The following YAE1 variants were observed in gnomAD, a reference collection of about 807,000 sequenced individuals.
YAE1 encodes the protein YAE1 maturation factor of ABCE1.
Under a neutral mutation model 23.0 loss-of-function variants are expected in YAE1, and 22 were observed. The observed-to-expected ratio is 0.96, with a 90% CI of 0.68 to 1.37. YAE1 has a LOEUF of 1.37. YAE1 is among the 40% of genes most tolerant of loss of function. The pLI, the probability that YAE1 is intolerant of heterozygous loss-of-function variation, is 0.00. For synonymous variants in YAE1, 101 were observed against 97.0 expected (o/e 1.04, Z -0.24); for missense variants, 260 against 262.1 (o/e 0.99, Z 0.06).
chr7:39,611,540 A>G (rs957313555), downstream of YAE1, among the ~76,000 whole-genome samples: 2 of 152,164 alleles, frequency 1.3e-5, no homozygotes, highest in Non-Finnish European at 2.9e-5. Flanking sequence ...CAAAATTTGA[A>G]TCCTTTGGTC....
At chr7:39,578,683 G>A (rs950693712) in intron 2 of YAE1, among the ~76,000 whole-genome samples, 1 of 152,032 alleles carries the variant, frequency 6.6e-6, no homozygotes, top group South Asian at 2.1e-4. Flanking sequence ...AAGAAACTCC[G>A]AACACGTCTG....
At chr7:39,607,202 T>G (rs188105563) in intron 2 of YAE1, among the ~76,000 whole-genome samples, 102 of 152,340 alleles carry the variant, frequency 6.7e-4, no homozygotes, top group African/African-American at 2.2e-3. Flanking sequence ...TTCACTGTGG[T>G]CGATAGAATA....
intron 2 of YAE1, among the ~76,000 whole-genome samples, chr7:39,607,805 A>T (rs186404041): frequency 1.4e-3 from 215 of 152,264 alleles, no homozygotes; most frequent in Middle Eastern, 6.8e-3. Context: ...AGTAGCTGGG[A>T]CTACAGGCGT....
At chr7:39,589,047 C>T (rs945550622) in intron 2 of YAE1, among the ~76,000 whole-genome samples, 1 of 152,096 alleles carries the variant, frequency 6.6e-6, no homozygotes, top group Admixed American at 6.5e-5. Context: ...GTCTCGAACT[C>T]GTGGCCTCAA....
At chr7:39,577,014 CCTCCTAAGTAGCTGGGATTA>C (rs1364593045), downstream of YAE1, among the ~76,000 whole-genome samples, 1 of 152,124 alleles carries the variant, frequency 6.6e-6, no homozygotes, top group East Asian at 1.9e-4. Flanking sequence ...CCTGCTTCAG[CCTCCTAAGTAGCTGGGATTA>C]CAGGGGCCTG....
intron 2 of YAE1, among the ~76,000 whole-genome samples, chr7:39,605,243 G>T (rs1304918310): frequency 6.6e-6 from 1 of 152,164 alleles, no homozygotes; most frequent in Non-Finnish European, 1.5e-5. Context: ...GTAGGTTGTG[G>T]TTAACCTATG....
downstream of YAE1, among the ~76,000 whole-genome samples, chr7:39,611,904 A>G (rs1039536038): frequency 6.6e-6 from 1 of 152,224 alleles, no homozygotes; most frequent in Non-Finnish European, 1.5e-5. Flanking sequence ...AAATAAGGTA[A>G]TAGTCAAAGA....
At chr7:39,599,107 G>T (rs1034740277) in intron 2 of YAE1, among the ~76,000 whole-genome samples, 8 of 151,944 alleles carry the variant, frequency 5.3e-5, no homozygotes, top group Non-Finnish European at 7.4e-5. Flanking sequence ...AGGCGAGGTG[G>T]TGCATGGCTA....
chr7:39,605,290 AG>A (rs1791113056), intron 2 of YAE1, among the ~76,000 whole-genome samples: 1 of 152,178 alleles, frequency 6.6e-6, no homozygotes, highest in Non-Finnish European at 1.5e-5. Flanking sequence ...ATCTTGGCTG[AG>A]CCATAAAGTG....
downstream of YAE1, among the ~76,000 whole-genome samples, chr7:39,576,659 G>A (rs181550297): frequency 3.2e-3 from 493 of 152,218 alleles, 4 homozygotes; most frequent in African/African-American, 0.012. Context: ...AGAGGTGATT[G>A]CTCTTCCCAA....
intron 1 of YAE1, chr7:39,566,752 C>A (rs1304499230): frequency 1.5e-6 from 1 of 655,066 alleles, no homozygotes. Flanking sequence ...TGAGCGCCTA[C>A]GGGATGCGTT....
exon 3 of YAE1, chr7:39,609,975 G>A (rs1197034743): frequency 6.6e-7 from 1 of 1,518,534 alleles, no homozygotes; most frequent in Non-Finnish European, 8.8e-7. Flanking sequence ...TATCAGAGGT[G>A]GACACATTTA....
At chr7:39,609,895 C>T (rs868470896) in exon 3 of YAE1, 16 of 1,531,822 alleles carry the variant, frequency 1.0e-5, no homozygotes, top group Middle Eastern at 1.7e-4. Flanking sequence ...CCTGCAGCAG[C>T]CTGCCCCGCC....
chr7:39,610,082 G>A, exon 3 of YAE1: 1 of 1,400,794 alleles, frequency 7.1e-7, no homozygotes, highest in Non-Finnish European at 9.4e-7. Flanking sequence ...CCTGGGTGAA[G>A]ATGGACCAGC....
At chr7:39,593,415 T>G (rs1389130797) in intron 2 of YAE1, among the ~76,000 whole-genome samples, 1 of 151,954 alleles carries the variant, frequency 6.6e-6, no homozygotes, top group Non-Finnish European at 1.5e-5. Flanking sequence ...GCCCAGCTAA[T>G]TTTTGTATTT....
In YAE1 at chr7:39,593,177, C is replaced by CTTTTTTTTTTTTTTTTTTTT. The variant is rs56303591; in HGVS notation, c.252-16434_252-16415dup. On this transcript the variant is annotated intron_variant, in intron 2 of 2. Coordinates refer to the YAE1 transcript ENST00000432096. ...CTCTATAATTTCCATTTGGTTATTT[C>CTTTTTTTTTTTTTTTTTTTT]TTTTTTTTTTTTTTTTTTTTTTTTT... Among the ~76,000 whole-genome samples the CTTTTTTTTTTTTTTTTTTTT allele has an allele frequency of 8.3e-5, 6 of 72,112 alleles. 1 individual carries two copies. The highest frequency in any genetic ancestry group is 1.2e-4 in the Non-Finnish European group (5 of 43,212). 47.3% of individuals were successfully genotyped at this position (72,112 alleles called of 152,430 possible).
At chr7:39,579,986 A>T (rs966355135) in intron 2 of YAE1, among the ~76,000 whole-genome samples, 7 of 152,190 alleles carry the variant, frequency 4.6e-5, no homozygotes, top group African/African-American at 1.7e-4. Flanking sequence ...TTGAGGCTGC[A>T]GTGAGCTGTG....
chr7:39,590,717 A>G (rs539783230), intron 2 of YAE1, among the ~76,000 whole-genome samples: 1 of 152,326 alleles, frequency 6.6e-6, no homozygotes, highest in East Asian at 1.9e-4. Context: ...CACCCATCAC[A>G]TGAAGTCAGA....
chr7:39,610,110 C>A, exon 3 of YAE1: 1 of 1,094,578 alleles, frequency 9.1e-7, no homozygotes. Context: ...GGCCCTCCGG[C>A]AAGCTAGAAC....
Sources: gnomAD v4.1 joint callset for allele counts (sites outside exome capture counted in the v4.1 genomes callset) on GRCh38, gnomAD v4.1.1 for gene constraint, MANE v1.5 for transcripts, NCBI Gene and HGNC (gene_info 2026-07-23, HGNC 2026-07-21) for gene names.